SNTB2: variants seen among roughly 807,000 people sequenced by gnomAD.
SNTB2 encodes beta-2-syntrophin.
A neutral mutation model predicts 46.2 loss-of-function variants in SNTB2; 34 were observed. The ratio of observed to expected loss-of-function variants is 0.74; its 90% CI spans 0.56 to 0.98. SNTB2 has a LOEUF of 0.98. Among genes scored for constraint, SNTB2 ranks in the 50% least tolerant of loss-of-function variants. SNTB2 has a pLI of 0.00. For missense variants in SNTB2, 603 were observed against 731.4 expected, an observed-to-expected ratio of 0.82 and a Z score of 2.02; for synonymous variants, 290 against 312.6, an observed-to-expected ratio of 0.93 and a Z score of 0.76.
At chr16:69,254,582 A>T (rs1274661534) in intron 2 of SNTB2, among the ~76,000 whole-genome samples, 3 of 152,196 alleles carry the variant, frequency 2.0e-5, no homozygotes, top group Non-Finnish European at 4.4e-5. Flanking sequence ...TAAAATTTAA[A>T]ACTTCAGCCC....
At chr16:69,235,522 CTT>C (rs750924204) in intron 1 of SNTB2, among the ~76,000 whole-genome samples, 2 of 151,956 alleles carry the variant, frequency 1.3e-5, no homozygotes, top group Non-Finnish European at 2.9e-5. Context: ...TTTTTAGAGA[CTT>C]TAATCACTGT....
chr16:69,265,198 G>A (rs925552977), intron 3 of SNTB2, among the ~76,000 whole-genome samples: 2 of 152,116 alleles, frequency 1.3e-5, no homozygotes, highest in African/African-American at 4.8e-5. Context: ...GCAGTGAGCC[G>A]AGATCGCGCC....
chr16:69,196,067 G>T (rs1214804762), intron 1 of SNTB2, among the ~76,000 whole-genome samples: 1 of 152,096 alleles, frequency 6.6e-6, no homozygotes, highest in African/African-American at 2.4e-5. Context: ...GCGAGACCCT[G>T]TCTCTACAAA....
At position 69,299,705 on chromosome 16, in the gene SNTB2, G is replaced by T. The variant is rs765745658; in HGVS notation, c.1461G>T (p.Arg487Ser). 1 of 1,614,110 alleles carries T rather than the reference G, an allele frequency of 6.2e-7. No homozygotes were observed. The highest frequency in any genetic ancestry group is 1.1e-5 in the South Asian group (1 of 91,080). ...TATTGTACCGCTACCCCTTTGAAAGGCTGAAGATGTCTGCTGATGATGGCA... is the reference window on the plus strand; with the variant it reads ...TATTGTACCGCTACCCCTTTGAAAGTCTGAAGATGTCTGCTGATGATGGCA... ...SSILYRYPFE[R>S]LKMSADDGIR... Residue 487 changes from arginine to serine, a missense_variant, in exon 6 of 7, where the codon AGG becomes AGT. Physicochemically the swap from Arg to Ser is moderately radical, Grantham distance 110. This residue lies in a region of SNTB2 where 537 missense variants were observed against 692.4 expected (regional missense o/e 0.78). Coordinates refer to ENST00000336278, the MANE Select transcript of SNTB2 (RefSeq NM_006750.4).
chr16:69,195,627 A>G (rs1013765571), intron 1 of SNTB2, among the ~76,000 whole-genome samples: 4 of 152,062 alleles, frequency 2.6e-5, no homozygotes, highest in African/African-American at 7.2e-5. Context: ...TGGAGGGTCT[A>G]ATTCTGTATA....
At chr16:69,293,235 G>T (rs1965191646) in intron 5 of SNTB2, among the ~76,000 whole-genome samples, 1 of 152,094 alleles carries the variant, frequency 6.6e-6, no homozygotes, top group Non-Finnish European at 1.5e-5. Context: ...GTCTGAACCA[G>T]AACAATCACC....
intron 4 of SNTB2, among the ~76,000 whole-genome samples, chr16:69,277,768 T>G (rs1245196645): frequency 3.3e-5 from 5 of 152,244 alleles, no homozygotes; most frequent in Non-Finnish European, 7.3e-5. Flanking sequence ...TGTACATTCC[T>G]CACCAAATTT....
chr16:69,234,894 G>T (rs1401255793), intron 1 of SNTB2, among the ~76,000 whole-genome samples: 3 of 151,692 alleles, frequency 2.0e-5, no homozygotes, highest in Non-Finnish European at 4.4e-5. Flanking sequence ...GTAGAGACGG[G>T]GTTTCACCAT....
In SNTB2 at chr16:69,201,419, GAA is replaced by G. The variant is rs201029670; in HGVS notation, c.580+13674_580+13675del. On this transcript the variant is annotated intron_variant, in intron 1 of 6. Transcript: ENST00000336278. ...ATTTATGTGATGTTGATGTGGTGCT[GAA>G]TAGGAAAAAACATAGCAAAATGGAA... Among the ~76,000 whole-genome samples the G allele has an allele frequency of 9.7e-4, 147 of 152,266 alleles. 1 individual carries two copies. The East Asian group carries it at 0.016, about 16-fold the overall frequency.
intron 3 of SNTB2, 43 bp from the exon 4 acceptor site, chr16:69,270,100 G>C: frequency 6.2e-7 from 1 of 1,612,982 alleles, no homozygotes; most frequent in East Asian, 2.2e-5. Context: ...ACAAAGACGT[G>C]ATTATAGTTA....
At chr16:69,274,311 CAAA>C (rs367924448) in intron 4 of SNTB2, among the ~76,000 whole-genome samples, 3 of 125,844 alleles carry the variant, frequency 2.4e-5, no homozygotes, top group Non-Finnish European at 3.4e-5. Flanking sequence ...GACTCTATCT[CAAA>C]AAAAAAAAAA....
At chr16:69,230,430 C>T (rs1263972035) in intron 1 of SNTB2, 1 of 151,362 alleles carries the variant, frequency 6.6e-6, no homozygotes, top group Non-Finnish European at 1.5e-5. Context: ...GGCGCAATCT[C>T]GGCTGACGAT....
At chr16:69,297,002 C>CAA (rs747322291) in intron 5 of SNTB2, among the ~76,000 whole-genome samples, 2 of 129,594 alleles carry the variant, frequency 1.5e-5, no homozygotes. Flanking sequence ...ACTCTTATCT[C>CAA]AAAAAAAAAA....
At chr16:69,243,226 C>T (rs1258270746) in intron 1 of SNTB2, among the ~76,000 whole-genome samples, 1 of 152,102 alleles carries the variant, frequency 6.6e-6, no homozygotes, top group Non-Finnish European at 1.5e-5. Context: ...GGTGTAAAGG[C>T]TCTGCTTATC....
chr16:69,203,167 A>C (rs2152290331), intron 1 of SNTB2, among the ~76,000 whole-genome samples: 1 of 147,488 alleles, frequency 6.8e-6, no homozygotes, highest in East Asian at 2.1e-4. Flanking sequence ...ACAGGCGCCC[A>C]CCACCACGCC....
At chr16:69,198,537 A>G (rs750784411) in intron 1 of SNTB2, among the ~76,000 whole-genome samples, 11 of 152,136 alleles carry the variant, frequency 7.2e-5, no homozygotes, top group Non-Finnish European at 1.5e-4. Flanking sequence ...TACCACTTAC[A>G]TGTTTCCTCC....
In SNTB2 at chr16:69,199,595, C is replaced by CAAAAAAAAAAAAAAAAAAAAAA. The variant is rs60011703; in HGVS notation, c.580+11865_580+11866insAAAAAAAAAAAAAAAAAAAAAA. The stretch of plus-strand genomic sequence containing the variant: ...TGGACAACAGAGTGAAACACTGCCT[C>CAAAAAAAAAAAAAAAAAAAAAA]AAAAAAAAAAAAAAAAGGCGATCTT... On this transcript the variant is annotated intron_variant, in intron 1 of 6. Coordinates refer to ENST00000336278, the MANE Select transcript of SNTB2 (RefSeq NM_006750.4). Among the ~76,000 whole-genome samples, 138 of 76,728 alleles carry CAAAAAAAAAAAAAAAAAAAAAA rather than the reference C, an allele frequency of 1.8e-3. 2 individuals are homozygous for CAAAAAAAAAAAAAAAAAAAAAA. The highest frequency in any genetic ancestry group is 7.8e-3 in the Middle Eastern group (1 of 128). 50.3% of individuals were successfully genotyped at this position (76,728 alleles called of 152,430 possible). A position where few individuals can be genotyped will look rare whatever the true frequency, so the allele number is the denominator to read the frequency against.
chr16:69,214,965 T>G (rs1964332137), intron 1 of SNTB2, among the ~76,000 whole-genome samples: 1 of 151,984 alleles, frequency 6.6e-6, no homozygotes, highest in African/African-American at 2.4e-5. Flanking sequence ...TGCCTAAGCC[T>G]CCCAGGTAGC....
At chr16:69,291,655 A>G (rs1965160181) in intron 5 of SNTB2, among the ~76,000 whole-genome samples, 1 of 152,142 alleles carries the variant, frequency 6.6e-6, no homozygotes, top group South Asian at 2.1e-4. Flanking sequence ...GCTGCGGTGA[A>G]CTGTGATCAC....
Sources: allele counts gnomAD v4.1 joint callset (sites outside exome capture counted in the v4.1 genomes callset), GRCh38; gene constraint gnomAD v4.1.1; regional missense constraint gnomAD v4.1.1; transcripts MANE v1.5; gene names NCBI Gene and HGNC (gene_info 2026-07-23, HGNC 2026-07-21).